Variants in PTPRM observed in about 807,000 individuals in gnomAD.
The protein encoded by PTPRM is protein tyrosine phosphatase receptor type M, also known as receptor-type tyrosine-protein phosphatase mu.
A neutral mutation model predicts 186.7 loss-of-function variants in PTPRM; 47 were observed. That is an observed-to-expected ratio of 0.25 (90% CI 0.20 to 0.32). PTPRM has a LOEUF of 0.32. Ranked by LOEUF, PTPRM falls within the 10% of genes least tolerant of loss-of-function variation. PTPRM has a pLI of 1.00. For missense variants in PTPRM, 1,494 were observed against 1,865.0 expected (o/e 0.80, Z 3.66); for synonymous variants, 668 against 674.9 (o/e 0.99, Z 0.16).
intron 1 of PTPRM, among the ~76,000 whole-genome samples, chr18:7,716,551 T>C (rs1437654778): frequency 1.3e-5 from 2 of 152,120 alleles, no homozygotes; most frequent in Non-Finnish European, 1.5e-5. Context: ...ACATGCAACC[T>C]CCAGAATGCG....
At chr18:8,211,377 C>CTTTTTTTTTTTTT (rs970926126) in intron 14 of PTPRM, among the ~76,000 whole-genome samples, 203 of 87,222 alleles carry the variant, frequency 2.3e-3, no homozygotes, top group Non-Finnish European at 2.9e-3. Flanking sequence ...GTCTCTTCTT[C>CTTTTTTTTTTTTT]TTTTTTTTTT....
At chr18:8,042,719 T>C (rs1188165013) in intron 7 of PTPRM, among the ~76,000 whole-genome samples, 1 of 152,060 alleles carries the variant, frequency 6.6e-6, no homozygotes, top group Non-Finnish European at 1.5e-5. Context: ...CAGCCTAGGC[T>C]CTTGTCCCAT....
intron 9 of PTPRM, among the ~76,000 whole-genome samples, chr18:8,079,701 G>A (rs2090024283): frequency 6.6e-6 from 1 of 151,978 alleles, no homozygotes; most frequent in Non-Finnish European, 1.5e-5. Flanking sequence ...TAAGAAAAAG[G>A]TAGGAAGACA....
chr18:8,288,132 A>G (rs2147803707), intron 19 of PTPRM, among the ~76,000 whole-genome samples: 1 of 152,366 alleles, frequency 6.6e-6, no homozygotes, highest in Admixed American at 6.5e-5. Flanking sequence ...CAGCTTCTCC[A>G]GGACACCATC....
At chr18:8,361,932 A>G (rs999711855) in intron 23 of PTPRM, among the ~76,000 whole-genome samples, 1 of 152,190 alleles carries the variant, frequency 6.6e-6, no homozygotes, top group Non-Finnish European at 1.5e-5. Flanking sequence ...GAAGAAAAGA[A>G]TATCGTGTGT....
chr18:7,869,342 A>T (rs547743242), intron 2 of PTPRM, among the ~76,000 whole-genome samples: 1 of 152,280 alleles, frequency 6.6e-6, no homozygotes, highest in South Asian at 2.1e-4. Flanking sequence ...ACCGGGGGGA[A>T]TCTCCTAGTC....
intron 10 of PTPRM, among the ~76,000 whole-genome samples, 197 bp downstream of exon 10, chr18:8,086,069 A>G (rs1276447072): frequency 1.3e-5 from 2 of 152,144 alleles, no homozygotes; most frequent in African/African-American, 4.8e-5. Flanking sequence ...AGATCCTCAC[A>G]TGTTAGGAAG....
intron 2 of PTPRM, among the ~76,000 whole-genome samples, chr18:7,819,374 C>T (rs2083561): frequency 0.04 from 6,042 of 152,308 alleles, 352 homozygotes; most frequent in African/African-American, 0.12. Context: ...AAGATAGAAG[C>T]GGCTGGATGT....
At chr18:8,072,427 T>A (rs778366230) in intron 8 of PTPRM, among the ~76,000 whole-genome samples, 18 of 152,192 alleles carry the variant, frequency 1.2e-4, no homozygotes, top group African/African-American at 1.7e-4. Context: ...GAGCATGCAT[T>A]ACTTCCAAAT....
At chr18:7,617,135 G>A (rs1221262257) in intron 1 of PTPRM, among the ~76,000 whole-genome samples, 2 of 152,160 alleles carry the variant, frequency 1.3e-5, no homozygotes, top group East Asian at 1.9e-4. Flanking sequence ...CTGTAGCATG[G>A]TGGAGCATGT....
At chr18:7,775,201 T>C (rs1244760547) in intron 2 of PTPRM, among the ~76,000 whole-genome samples, 1 of 152,230 alleles carries the variant, frequency 6.6e-6, no homozygotes, top group Admixed American at 6.5e-5. Flanking sequence ...ACTGTGTTCC[T>C]GCCCTCTCCT....
chr18:7,694,487 T>G (rs889851624), intron 1 of PTPRM, among the ~76,000 whole-genome samples: 2 of 150,566 alleles, frequency 1.3e-5, no homozygotes, highest in African/African-American at 4.9e-5. Context: ...ACTGCGGTAG[T>G]GCGGTCTTGG....
At chr18:7,993,271 A>G (rs1301119701) in intron 7 of PTPRM, among the ~76,000 whole-genome samples, 4 of 152,110 alleles carry the variant, frequency 2.6e-5, no homozygotes, top group South Asian at 2.1e-4. Context: ...TGTGAATGCC[A>G]GAGGAGAAGA....
chr18:8,231,187 A>G (rs1244371798), intron 14 of PTPRM, among the ~76,000 whole-genome samples: 1 of 152,224 alleles, frequency 6.6e-6, no homozygotes, highest in African/African-American at 2.4e-5. Context: ...ATCTGTTGAC[A>G]TAACCTAGCA....
At chr18:7,937,491 C>T (rs1009044856) in intron 5 of PTPRM, among the ~76,000 whole-genome samples, 2 of 152,228 alleles carry the variant, frequency 1.3e-5, no homozygotes, top group Non-Finnish European at 2.9e-5. Flanking sequence ...CACCCGTCAC[C>T]TCTCCCAACT....
At chr18:7,612,972 T>C (rs2037713311) in intron 1 of PTPRM, among the ~76,000 whole-genome samples, 1 of 152,278 alleles carries the variant, frequency 6.6e-6, no homozygotes, top group South Asian at 2.1e-4. Context: ...ATGAACAGTT[T>C]ATAGGCAGGA....
intron 1 of PTPRM, among the ~76,000 whole-genome samples, chr18:7,570,539 A>G (rs2036542221): frequency 6.6e-6 from 1 of 152,224 alleles, no homozygotes; most frequent in South Asian, 2.1e-4. Flanking sequence ...ATTTGCACAT[A>G]TTCAAATTGT....
rs2048420101 is a variant in PTPRM, at chr18:7,879,920, T to G, written c.197-8186T>G. Among the ~76,000 whole-genome samples, 4 of 152,180 alleles carry G rather than the reference T, an allele frequency of 2.6e-5. 1 individual carries two copies. In the South Asian group the frequency reaches 8.3e-4, roughly 31 times the overall value. On this transcript the variant is annotated intron_variant, in intron 2 of 32. Coordinates refer to ENST00000580170, the MANE Select transcript of PTPRM (RefSeq NM_001105244.2). The stretch of plus-strand genomic sequence containing the variant: ...GGTATTTAAAGGAAAGAGGTTTAAT[T>G]GACTCACTGTTCCGCGTGACTGGGA...
chr18:7,863,000 A>G (rs1268930675), intron 2 of PTPRM, among the ~76,000 whole-genome samples: 1 of 152,162 alleles, frequency 6.6e-6, no homozygotes, highest in African/African-American at 2.4e-5. Context: ...CAATAGTCAT[A>G]CTTAGCTTTC....
Sources: allele counts gnomAD v4.1 joint callset (sites outside exome capture counted in the v4.1 genomes callset), GRCh38; gene constraint gnomAD v4.1.1; transcripts MANE v1.5; gene names NCBI Gene and HGNC (gene_info 2026-07-23, HGNC 2026-07-21).